Variants in ZNF385D observed in about 807,000 individuals in gnomAD.
ZNF385D encodes zinc finger protein 385D, also known as zinc finger protein 659.
A neutral mutation model predicts 35.8 loss-of-function variants in ZNF385D; 15 were observed. The ratio of observed to expected loss-of-function variants is 0.42; its 90% CI spans 0.28 to 0.64. The LOEUF (loss-of-function observed/expected upper bound fraction) is 0.64, where lower values mean the gene tolerates loss of function less well. Ranked by LOEUF, ZNF385D falls within the 30% of genes least tolerant of loss-of-function variation. The pLI, the probability that ZNF385D is intolerant of heterozygous loss-of-function variation, is 0.23. For missense variants in ZNF385D, 474 were observed against 494.6 expected, an observed-to-expected ratio of 0.96 and a Z score of 0.39; for synonymous variants, 212 against 186.8, an observed-to-expected ratio of 1.13 and a Z score of -1.10.
At chr3:21,773,769 A>C (rs35843031) in intron 3 of ZNF385D, among the ~76,000 whole-genome samples, 45,490 of 151,580 alleles carry the variant, frequency 0.3, 7,662 homozygotes, top group Middle Eastern at 0.47. Flanking sequence ...GTCAAAAAAA[A>C]AACAACTGCT....
intron 3 of ZNF385D, among the ~76,000 whole-genome samples, chr3:21,534,263 C>G (rs1471732889): frequency 6.6e-6 from 1 of 152,030 alleles, no homozygotes; most frequent in Non-Finnish European, 1.5e-5. Context: ...CCTTTCTCAT[C>G]TGAACTTGCA....
intron 1 of ZNF385D, among the ~76,000 whole-genome samples, chr3:21,718,219 T>C (rs2068400620): frequency 6.6e-6 from 1 of 152,260 alleles, no homozygotes; most frequent in Admixed American, 6.5e-5. Flanking sequence ...CTGGGAGATT[T>C]CTTGGAATGC....
chr3:21,502,344 C>G (rs1281582567), intron 4 of ZNF385D, among the ~76,000 whole-genome samples: 1 of 152,158 alleles, frequency 6.6e-6, no homozygotes, highest in Non-Finnish European at 1.5e-5. Flanking sequence ...TTGCTTACAT[C>G]CCTGTTCCAC....
intron 3 of ZNF385D, among the ~76,000 whole-genome samples, chr3:22,083,397 T>A (rs1021313081): frequency 6.6e-6 from 1 of 152,172 alleles, no homozygotes; most frequent in African/African-American, 2.4e-5. Context: ...AATGACCTGA[T>A]GGAGCTGAAA....
intron 2 of ZNF385D, among the ~76,000 whole-genome samples, chr3:21,583,109 T>C (rs551312781): frequency 1.3e-5 from 2 of 152,214 alleles, no homozygotes; most frequent in Middle Eastern, 3.4e-3. Flanking sequence ...ATATATACAA[T>C]TTTTCGAAAA....
At chr3:21,994,176 T>G (rs1242715705) in intron 3 of ZNF385D, among the ~76,000 whole-genome samples, 11 of 152,218 alleles carry the variant, frequency 7.2e-5, no homozygotes, top group Admixed American at 7.2e-4. Flanking sequence ...GGTGTGTTCC[T>G]GGACATCTGG....
rs575080880 is a variant in ZNF385D at position 21,810,992 on chromosome 3, G to A, written c.326-145964C>T. 3.4e-3 allele frequency among the ~76,000 whole-genome samples: 393 copies of A among 114,468 alleles called. 1 individual carries two copies. Among genetic ancestry groups the A allele is most frequent in the African/African-American group, 0.011 (314 of 28,320 alleles). 75.1% of individuals were successfully genotyped at this position (114,468 alleles called of 152,430 possible). On this transcript the variant is annotated intron_variant, in intron 3 of 5. Coordinates refer to the ZNF385D transcript ENST00000494108. ...TATACGTGTGTGTGTGTGTGTGTGT[G>A]TGTGTGTATATATATATACATTTTA...
At chr3:21,929,036 A>T (rs558959247) in intron 3 of ZNF385D, among the ~76,000 whole-genome samples, 1 of 152,178 alleles carries the variant, frequency 6.6e-6, no homozygotes, top group East Asian at 1.9e-4. Flanking sequence ...AAAGAAAGCT[A>T]TAATTCAATA....
At chr3:21,970,607 T>A (rs1227976078) in intron 3 of ZNF385D, among the ~76,000 whole-genome samples, 3 of 148,214 alleles carry the variant, frequency 2.0e-5, no homozygotes, top group South Asian at 2.2e-4. Context: ...CCTTAAAGAG[T>A]AGAGAGAGAG....
At chr3:21,551,405 C>T (rs370562041) in intron 3 of ZNF385D, among the ~76,000 whole-genome samples, 2 of 152,314 alleles carry the variant, frequency 1.3e-5, no homozygotes, top group African/African-American at 4.8e-5. Flanking sequence ...GAGTATGTCT[C>T]TTCTACCTCT....
chr3:22,218,069 TG>T, intron 2 of ZNF385D, among the ~76,000 whole-genome samples: 1 of 152,154 alleles, frequency 6.6e-6, no homozygotes, highest in Non-Finnish European at 1.5e-5. Flanking sequence ...AAGAGTGTCT[TG>T]ACTTATCTTG....
chr3:21,836,837 C>T (rs1695358064), intron 3 of ZNF385D, among the ~76,000 whole-genome samples: 1 of 152,036 alleles, frequency 6.6e-6, no homozygotes, highest in South Asian at 2.1e-4. Context: ...AGTTTGCAGA[C>T]GCTGCCGTAG....
intron 2 of ZNF385D, among the ~76,000 whole-genome samples, chr3:22,319,319 AAAT>A (rs1433385191): frequency 6.6e-6 from 1 of 151,992 alleles, no homozygotes; most frequent in Non-Finnish European, 1.5e-5. Context: ...AAGTCACAAG[AAAT>A]AACATGAATA....
chr3:21,737,798 T>C (rs1195960295), intron 1 of ZNF385D, among the ~76,000 whole-genome samples: 1 of 152,296 alleles, frequency 6.6e-6, no homozygotes. Flanking sequence ...ATGTGGCACA[T>C]TGCCTGATGT....
chr3:22,126,615 G>C (rs771271048), intron 3 of ZNF385D, among the ~76,000 whole-genome samples: 4 of 152,000 alleles, frequency 2.6e-5, no homozygotes, highest in Non-Finnish European at 4.4e-5. Flanking sequence ...CTCCATCCTT[G>C]AGAATGATCC....
intron 2 of ZNF385D, among the ~76,000 whole-genome samples, chr3:22,212,193 G>GA (rs1351284156): frequency 6.6e-6 from 1 of 151,970 alleles, no homozygotes. Context: ...GGAAGAGGGA[G>GA]AAAAGACAGG....
rs1198193883 is a variant in ZNF385D, at chr3:22,258,167, A to G, written c.107-89132T>C. On this transcript the variant is annotated intron_variant, in intron 2 of 5. Transcript: ENST00000494108. ...AACAGATTCCACTTTTAGTCTGTTT[A>G]GGGGAAATTTTGCCCCCAAAAAGTT... Among the ~76,000 whole-genome samples the G allele has an allele frequency of 2.0e-5, 3 of 151,894 alleles. No individual in the cohort carries two copies. The East Asian group carries it at 5.8e-4, about 30-fold the overall frequency.
intron 2 of ZNF385D, among the ~76,000 whole-genome samples, chr3:22,216,275 A>G (rs1190401816): frequency 1.3e-5 from 2 of 151,966 alleles, no homozygotes; most frequent in African/African-American, 4.8e-5. Flanking sequence ...AAAATTTTAT[A>G]ATTTCATGAA....
At chr3:22,221,689 A>T (rs971132691) in intron 2 of ZNF385D, among the ~76,000 whole-genome samples, 7 of 152,190 alleles carry the variant, frequency 4.6e-5, no homozygotes, top group Non-Finnish European at 1.0e-4. Context: ...TAACTTGTTA[A>T]TATAGACATA....
Sources: gnomAD v4.1 joint callset for allele counts (sites outside exome capture counted in the v4.1 genomes callset) on GRCh38, gnomAD v4.1.1 for gene constraint, MANE v1.5 for transcripts, NCBI Gene and HGNC (gene_info 2026-07-23, HGNC 2026-07-21) for gene names.